The following TMLHE variants were observed in gnomAD, a reference collection of about 807,000 sequenced individuals.
TMLHE encodes trimethyllysine dioxygenase, mitochondrial.
TMLHE carries 18 observed loss-of-function variants against 25.7 expected under a neutral mutation model. The observed-to-expected ratio is 0.70, with a 90% CI of 0.48 to 1.04. The LOEUF (loss-of-function observed/expected upper bound fraction) is 1.04. TMLHE is among the 50% of genes least tolerant of loss of function. TMLHE has a pLI of 0.00. For missense variants in TMLHE, 236 were observed against 259.0 expected (o/e 0.91, Z 0.61); for synonymous variants, 105 against 97.0 (o/e 1.08, Z -0.49).
At chrX:155,546,975 C>T (rs1385316912) in intron 1 of TMLHE, among the ~76,000 whole-genome samples, 1 of 110,560 alleles carries the variant, frequency 9.0e-6, no homozygotes, top group African/African-American at 3.3e-5. Context: ...TCTATGAAGT[C>T]TACAATATGT....
chrX:155,586,116 A>T (rs2067662447), intron 1 of TMLHE, among the ~76,000 whole-genome samples: 1 of 109,503 alleles, frequency 9.1e-6, no homozygotes, highest in Non-Finnish European at 1.9e-5. Context: ...AATCCCAGCT[A>T]CTCGGGAGCC....
At chrX:155,575,510 C>T (rs937587337) in intron 1 of TMLHE, among the ~76,000 whole-genome samples, 8 of 111,786 alleles carry the variant, frequency 7.2e-5, no homozygotes, top group South Asian at 3.7e-4. Context: ...AGGATCTCAA[C>T]GCCAAGGATG....
intron 3 of TMLHE, among the ~76,000 whole-genome samples, chrX:155,523,344 T>A (rs2124366672): frequency 1.8e-5 from 2 of 111,517 alleles, no homozygotes; most frequent in South Asian, 3.7e-4. Flanking sequence ...TTTTTTTTTA[T>A]ATAAGGTGTG....
At chrX:155,587,772 A>T (rs782636381) in intron 1 of TMLHE, among the ~76,000 whole-genome samples, 1 of 112,334 alleles carries the variant, frequency 8.9e-6, no homozygotes, top group Admixed American at 9.5e-5. Flanking sequence ...ACAAAAAATA[A>T]AATACTTGGG....
chrX:155,597,111 G>A (rs1305596551), intron 1 of TMLHE, among the ~76,000 whole-genome samples: 1 of 93,607 alleles, frequency 1.1e-5, no homozygotes, highest in African/African-American at 4.1e-5. Context: ...TCCCACCTAT[G>A]AGTGAGAACA....
At chrX:155,542,593 G>A (rs889848020) in intron 2 of TMLHE, among the ~76,000 whole-genome samples, 2 of 111,639 alleles carry the variant, frequency 1.8e-5, no homozygotes, top group Non-Finnish European at 3.8e-5. Context: ...TGGAGGCCTC[G>A]CACTTCCCAA....
intron 1 of TMLHE, among the ~76,000 whole-genome samples, chrX:155,579,330 C>T (rs1427547154): frequency 1.8e-5 from 2 of 111,888 alleles, no homozygotes; most frequent in Non-Finnish European, 3.8e-5. Context: ...ACGGAGGTAT[C>T]TCATTACCTG....
chrX:155,513,957 C>G, intron 4 of TMLHE, 29 bp downstream of exon 4: 1 of 1,181,725 alleles, frequency 8.5e-7, no homozygotes, highest in Non-Finnish European at 1.1e-6. Flanking sequence ...AATTATAATA[C>G]TGTGGATTTT....
chrX:155,551,457 G>A (rs2067415174), intron 1 of TMLHE, among the ~76,000 whole-genome samples: 1 of 101,918 alleles, frequency 9.8e-6, no homozygotes, highest in African/African-American at 3.7e-5. Context: ...TTGCCACACT[G>A]TCTTCCACAA....
At chrX:155,575,028 G>A (rs1313928484) in intron 1 of TMLHE, among the ~76,000 whole-genome samples, 2 of 111,915 alleles carry the variant, frequency 1.8e-5, no homozygotes, top group Non-Finnish European at 3.8e-5. Context: ...GCCACGAACT[G>A]GGTGGCTTAA....
chrX:155,582,740 C>T (rs1335349235), intron 1 of TMLHE, among the ~76,000 whole-genome samples: 2 of 112,007 alleles, frequency 1.8e-5, no homozygotes, highest in Admixed American at 9.4e-5. Context: ...TAAGCTAGTT[C>T]AACCATTGTG....
chrX:155,535,652 T>C (rs1396888315), intron 2 of TMLHE, among the ~76,000 whole-genome samples: 1 of 112,077 alleles, frequency 8.9e-6, no homozygotes, highest in Non-Finnish European at 1.9e-5. Flanking sequence ...AAACTCTTTT[T>C]TTCATCCTCT....
intron 2 of TMLHE, among the ~76,000 whole-genome samples, chrX:155,538,751 C>A (rs782187063): frequency 2.7e-5 from 3 of 111,814 alleles, no homozygotes; most frequent in African/African-American, 9.7e-5. Flanking sequence ...GTCAATACTT[C>A]CATTTATGAA....
chrX:155,546,595 G>C (rs1490044088), intron 1 of TMLHE, among the ~76,000 whole-genome samples: 1 of 111,257 alleles, frequency 9.0e-6, no homozygotes, highest in Non-Finnish European at 1.9e-5. Flanking sequence ...GCTGATATGG[G>C]ATGAAACCAA....
intron 1 of TMLHE, among the ~76,000 whole-genome samples, chrX:155,552,147 G>C (rs1487839160): frequency 9.1e-6 from 1 of 109,569 alleles, no homozygotes; most frequent in Admixed American, 9.7e-5. Context: ...CTAATAGTTT[G>C]TTCGAAATTT....
chrX:155,527,675 TAA>T (rs1301991352), intron 2 of TMLHE, among the ~76,000 whole-genome samples: 4 of 111,181 alleles, frequency 3.6e-5, no homozygotes, highest in Non-Finnish European at 5.7e-5. Context: ...AAGAAAAAAA[TAA>T]GTTATGCCTT....
chrX:155,556,419 G>A (rs1484748467), intron 1 of TMLHE, among the ~76,000 whole-genome samples: 3 of 110,800 alleles, frequency 2.7e-5, no homozygotes, highest in East Asian at 2.8e-4. Context: ...GACAGAGTAC[G>A]AAAGAGAGAA....
chrX:155,531,958 C>T (rs184885425), intron 2 of TMLHE, among the ~76,000 whole-genome samples: 1 of 111,377 alleles, frequency 9.0e-6, no homozygotes, highest in Admixed American at 9.5e-5. Flanking sequence ...GCTTAGGAAA[C>T]CACAGTTAAA....
At chrX:155,612,264 GCAGA>G (rs782149295) in intron 1 of TMLHE, 2 of 111,868 alleles carry the variant, frequency 1.8e-5, no homozygotes, top group South Asian at 7.6e-4. Context: ...TCCAGAGGGG[GCAGA>G]CAAAGGGTAA....
Sources: gnomAD v4.1 joint callset for allele counts (sites outside exome capture counted in the v4.1 genomes callset) on GRCh38, gnomAD v4.1.1 for gene constraint, MANE v1.5 for transcripts, NCBI Gene and HGNC (gene_info 2026-07-23, HGNC 2026-07-21) for gene names.